The following WDR45 variants were observed in gnomAD, a reference collection of about 807,000 sequenced individuals.
WDR45 encodes WD repeat domain phosphoinositide-interacting protein 4.
A neutral mutation model predicts 27.3 loss-of-function variants in WDR45; 2 were observed. The ratio of observed to expected loss-of-function variants is 0.07; its 90% confidence interval spans 0.03 to 0.23. WDR45 has a LOEUF of 0.23. WDR45 is among the 10% of genes least tolerant of loss of function. WDR45 has a pLI of 1.00. For synonymous variants in WDR45, 99 were observed against 119.2 expected (o/e 0.83, Z 1.11); for missense variants, 175 against 311.9 (o/e 0.56, Z 3.31).
chrX:49,096,306 T>C (rs1363090762), intron 2 of WDR45, among the ~76,000 whole-genome samples: 9 of 110,159 alleles, frequency 8.2e-5, no homozygotes, highest in South Asian at 3.8e-4. Flanking sequence ...TCATGGCTCA[T>C]TGCAGTCTCA....
intron 2 of WDR45, among the ~76,000 whole-genome samples, chrX:49,087,175 T>C (rs1220647806): frequency 4.6e-5 from 5 of 108,103 alleles, no homozygotes; most frequent in African/African-American, 1.7e-4. Context: ...CTGGACGACA[T>C]GGTGAAAGCC....
At position 49,077,653 on chromosome X, in the gene WDR45, T is replaced by C. The variant is rs1262862377; in HGVS notation, c.225A>G (p.Ser75=). The C allele has an allele frequency of 2.5e-6, 3 of 1,198,189 alleles. No homozygotes were observed. The highest frequency in any genetic ancestry group is 2.3e-6 in the Non-Finnish European group (2 of 888,697). Residue 75 remains serine, a synonymous_variant, in exon 4 of 11, where the codon TCA becomes TCG. Coordinates refer to ENST00000376372, the MANE Select transcript of WDR45 (RefSeq NM_001029896.2). ...LVGGGSSPKF[S]EISVLIWDDA... Reference sequence around the variant, plus strand: ...GATGAGGGCACTTACCTGAGATCTCTGAGAACTTGGGACTACTACCACCGC... The same window carrying C: ...GATGAGGGCACTTACCTGAGATCTCCGAGAACTTGGGACTACTACCACCGC...
intron 2 of WDR45, among the ~76,000 whole-genome samples, chrX:49,086,443 G>A (rs1039274264): frequency 9.0e-6 from 1 of 111,248 alleles, no homozygotes; most frequent in Non-Finnish European, 1.9e-5. Context: ...ATGAACCACC[G>A]TGCCTGGCCC....
intron 6 of WDR45, chrX:49,076,200 C>T: frequency 2.1e-6 from 1 of 470,967 alleles, no homozygotes; most frequent in East Asian, 3.7e-5. Flanking sequence ...CCCATGTCCT[C>T]ACGAGGTGTT....
chrX:49,091,755 CAAAAAAAAAAAAA>C lies in WDR45; in HGVS notation c.-18+8437_-18+8449del, dbSNP rs1162476660. 2.8e-4 allele frequency among the ~76,000 whole-genome samples: 10 copies of C among 35,200 alleles called. No homozygotes were observed. The East Asian group carries it at 0.012, about 42-fold the overall frequency. The allele number at this position is 35,200 out of a possible 115,157, so 30.6% of individuals were successfully genotyped here. A position where few individuals can be genotyped will look rare whatever the true frequency, so the allele number is the denominator to read the frequency against. On this transcript the variant is annotated intron_variant, in intron 2 of 11. Coordinates refer to the WDR45 transcript ENST00000356463. ...TGGGCGACAGAGCGAGACTCCGTCT[CAAAAAAAAAAAAA>C]AAAAAAAAAAAAAAAAAGAAGGAAT...
chrX:49,085,592 A>G (rs1338252885), intron 2 of WDR45, among the ~76,000 whole-genome samples: 2 of 113,210 alleles, frequency 1.8e-5, no homozygotes, highest in African/African-American at 6.4e-5. Context: ...AAGAAGCAGG[A>G]GGCTGGGTGC....
chrX:49,077,615 G>C, intron 4 of WDR45, 28 bp downstream of exon 4: 1 of 1,162,341 alleles, frequency 8.6e-7, no homozygotes, highest in Non-Finnish European at 1.2e-6. Context: ...GAGAAATCTG[G>C]GCCAAAGGGC....
chrX:49,094,146 A>C (rs2065116964), intron 2 of WDR45, among the ~76,000 whole-genome samples: 1 of 110,777 alleles, frequency 9.0e-6, no homozygotes, highest in Admixed American at 9.7e-5. Context: ...TGGTGCCTGA[A>C]CCTCTATAAG....
intron 4 of WDR45, 29 bp from the exon 5 acceptor site, chrX:49,076,779 G>A: frequency 5.2e-6 from 6 of 1,154,058 alleles, no homozygotes; most frequent in Non-Finnish European, 7.0e-6. Context: ...GGTTGTCGGG[G>A]CCAAGGTTTA....
chrX:49,088,256 A>T (rs1557086192), intron 2 of WDR45, among the ~76,000 whole-genome samples: 1 of 111,321 alleles, frequency 9.0e-6, no homozygotes, highest in Non-Finnish European at 1.9e-5. Flanking sequence ...ATACAAAAAA[A>T]GTTAGCTGGG....
chrX:49,087,562 G>A (rs916662308), intron 2 of WDR45, among the ~76,000 whole-genome samples: 1 of 111,789 alleles, frequency 8.9e-6, no homozygotes, highest in Admixed American at 9.6e-5. Flanking sequence ...AGATCACCTA[G>A]CAAGTGATGT....
chrX:49,093,596 G>A (rs1182533853), intron 2 of WDR45, among the ~76,000 whole-genome samples: 12 of 105,983 alleles, frequency 1.1e-4, no homozygotes, highest in Non-Finnish European at 2.3e-4. Context: ...GCAGTGGTGT[G>A]ATCATAGTTC....
intron 2 of WDR45, among the ~76,000 whole-genome samples, chrX:49,089,714 G>A (rs1223236950): frequency 9.5e-6 from 1 of 104,996 alleles, no homozygotes; most frequent in Admixed American, 1.0e-4. Context: ...TTGAGCCTAG[G>A]AGGTGGAGGT....
chrX:49,084,927 G>A (rs894163414), intron 2 of WDR45, among the ~76,000 whole-genome samples: 4 of 111,634 alleles, frequency 3.6e-5, no homozygotes, highest in Non-Finnish European at 7.5e-5. Context: ...GAGCCACCGC[G>A]CCCGGCTGAA....
chrX:49,100,278 A>T (rs1251745700), exon 2 of WDR45: 1 of 102,587 alleles, frequency 9.7e-6, no homozygotes, highest in East Asian at 3.0e-4. Context: ...TCTGTCGCCC[A>T]GGCTGGAGTG....
intron 2 of WDR45, among the ~76,000 whole-genome samples, chrX:49,094,097 T>C (rs1166134423): frequency 2.7e-5 from 3 of 111,000 alleles, no homozygotes; most frequent in African/African-American, 9.8e-5. Flanking sequence ...ACCCACAAGG[T>C]CCACTCATTC....
chrX:49,097,419 T>A (rs1185232917), intron 2 of WDR45, among the ~76,000 whole-genome samples: 1 of 105,132 alleles, frequency 9.5e-6, no homozygotes, highest in African/African-American at 3.5e-5. Flanking sequence ...CTTCACCTCC[T>A]GGTTTTAAGC....
intron 3 of WDR45, 25 bp from the exon 4 acceptor site, chrX:49,077,772 G>A (rs1557084500): frequency 5.8e-6 from 7 of 1,201,344 alleles, no homozygotes; most frequent in Non-Finnish European, 6.7e-6. Context: ...GGGTGTCAGT[G>A]GAGGTGGGAG....
At chrX:49,098,008 G>A (rs1557087596) in intron 2 of WDR45, among the ~76,000 whole-genome samples, 2 of 111,053 alleles carry the variant, frequency 1.8e-5, no homozygotes, top group Non-Finnish European at 3.8e-5. Context: ...CTGGAGTGCC[G>A]TGGTGTGATC....
Sources: gnomAD v4.1 joint callset for allele counts (sites outside exome capture counted in the v4.1 genomes callset) on GRCh38, gnomAD v4.1.1 for gene constraint, MANE v1.5 for transcripts, NCBI Gene and HGNC (gene_info 2026-07-23, HGNC 2026-07-21) for gene names.